The following ACOXL variants were observed in gnomAD, a reference collection of about 807,000 sequenced individuals.
ACOXL encodes acyl-coenzyme A oxidase-like protein.
A neutral mutation model predicts 71.9 loss-of-function variants in ACOXL; 70 were observed. That is an observed-to-expected ratio of 0.97 (90% CI 0.80 to 1.19). ACOXL has a LOEUF of 1.19. ACOXL is among the 50% of genes most tolerant of loss of function. The pLI, the probability that ACOXL is intolerant of heterozygous loss-of-function variation, is 0.00. For synonymous variants in ACOXL, 253 were observed against 281.6 expected (o/e 0.90, Z 1.02); for missense variants, 703 against 736.3 (o/e 0.95, Z 0.52).
At chr2:110,735,088 A>G (rs72828851) in intron 1 of ACOXL, among the ~76,000 whole-genome samples, 5,670 of 152,206 alleles carry the variant, frequency 0.037, 142 homozygotes, top group East Asian at 0.057. Context: ...GTTCTTGTTT[A>G]TTTACTTTAT....
intron 11 of ACOXL, among the ~76,000 whole-genome samples, chr2:110,917,069 C>T (rs1362034722): frequency 6.6e-6 from 1 of 152,184 alleles, no homozygotes; most frequent in Non-Finnish European, 1.5e-5. Context: ...AGGCCAGCAT[C>T]ATCCTGATAC....
chr2:111,085,983 T>C (rs2068185963), intron 16 of ACOXL, among the ~76,000 whole-genome samples: 1 of 152,176 alleles, frequency 6.6e-6, no homozygotes, highest in African/African-American at 2.4e-5. Flanking sequence ...GATAAGTTCC[T>C]GGACACACAC....
chr2:110,935,769 CAG>C (rs905810309), intron 12 of ACOXL, among the ~76,000 whole-genome samples: 22 of 151,676 alleles, frequency 1.5e-4, no homozygotes, highest in Middle Eastern at 3.4e-3. Context: ...TGGACACTAA[CAG>C]GGTGCTCTGC....
intron 17 of ACOXL, among the ~76,000 whole-genome samples, chr2:111,105,191 CTGTG>C (rs2069449660): frequency 6.6e-6 from 1 of 152,112 alleles, no homozygotes; most frequent in African/African-American, 2.4e-5. Context: ...ATCTATGCAT[CTGTG>C]TGTCTATCCC....
At chr2:110,741,909 C>T (rs936162785) in intron 1 of ACOXL, among the ~76,000 whole-genome samples, 10 of 152,166 alleles carry the variant, frequency 6.6e-5, no homozygotes, top group Non-Finnish European at 1.0e-4. Context: ...CTGCCTCCAG[C>T]GGTGAGAGAG....
At chr2:110,950,596 T>C (rs2061291265) in intron 12 of ACOXL, among the ~76,000 whole-genome samples, 1 of 152,196 alleles carries the variant, frequency 6.6e-6, no homozygotes, top group Non-Finnish European at 1.5e-5. Flanking sequence ...TTACTCTCCC[T>C]TGGGCCAGTT....
chr2:110,869,243 G>C (rs1220556616), intron 10 of ACOXL, among the ~76,000 whole-genome samples: 1 of 152,114 alleles, frequency 6.6e-6, no homozygotes, highest in African/African-American at 2.4e-5. Flanking sequence ...TGAATACTCA[G>C]CATTTCAAGT....
intron 10 of ACOXL, among the ~76,000 whole-genome samples, chr2:110,855,582 A>G (rs1048004311): frequency 9.2e-5 from 14 of 152,228 alleles, no homozygotes; most frequent in African/African-American, 2.7e-4. Context: ...ATGTACTGTG[A>G]AATGCAGTAA....
intron 11 of ACOXL, among the ~76,000 whole-genome samples, chr2:110,922,112 A>G (rs568990887): frequency 6.6e-5 from 10 of 152,296 alleles, no homozygotes; most frequent in South Asian, 2.1e-4. Flanking sequence ...TGTTTTATCA[A>G]TGACTGCAAG....
chr2:110,839,623 G>T (rs1048865622), intron 9 of ACOXL, among the ~76,000 whole-genome samples: 1 of 152,062 alleles, frequency 6.6e-6, no homozygotes, highest in African/African-American at 2.4e-5. Flanking sequence ...TGCCCTCGTT[G>T]GTCCTGTACT....
At chr2:110,754,263 G>A (rs1470131349) in intron 1 of ACOXL, among the ~76,000 whole-genome samples, 2 of 151,828 alleles carry the variant, frequency 1.3e-5, no homozygotes, top group African/African-American at 4.8e-5. Context: ...TGTAGAGAAG[G>A]GGCCTAGCTG....
At chr2:110,856,125 G>A (rs544138639) in intron 10 of ACOXL, among the ~76,000 whole-genome samples, 7 of 152,178 alleles carry the variant, frequency 4.6e-5, no homozygotes, top group African/African-American at 1.7e-4. Flanking sequence ...GCTACAGAGC[G>A]CTGATTGGTG....
chr2:110,826,146 C>T (rs1039315326), intron 9 of ACOXL, among the ~76,000 whole-genome samples: 50 of 152,182 alleles, frequency 3.3e-4, no homozygotes, highest in African/African-American at 1.1e-3. Context: ...AAATATAGCA[C>T]ATTAAAGGAA....
chr2:110,777,157 CGATG>C (rs1213853577), intron 2 of ACOXL, among the ~76,000 whole-genome samples: 2 of 151,926 alleles, frequency 1.3e-5, no homozygotes, highest in African/African-American at 4.8e-5. Flanking sequence ...AACATGTTTG[CGATG>C]TTTAGGGTCA....
At chr2:111,054,364 C>T (rs1357486667) in intron 16 of ACOXL, among the ~76,000 whole-genome samples, 1 of 152,168 alleles carries the variant, frequency 6.6e-6, no homozygotes, top group Non-Finnish European at 1.5e-5. Flanking sequence ...GCTGGTGGTG[C>T]AACAGATGAT....
chr2:110,873,941 G>T (rs542620170), intron 10 of ACOXL, among the ~76,000 whole-genome samples: 12 of 152,210 alleles, frequency 7.9e-5, no homozygotes, highest in African/African-American at 2.9e-4. Flanking sequence ...TAGCTCTGTG[G>T]TCTTGGCATC....
intron 10 of ACOXL, among the ~76,000 whole-genome samples, chr2:110,849,091 G>C (rs1166078368): frequency 2.6e-5 from 4 of 152,190 alleles, no homozygotes; most frequent in Non-Finnish European, 5.9e-5. Context: ...AAGGAACCAT[G>C]CTCCATGCTC....
intron 14 of ACOXL, among the ~76,000 whole-genome samples, chr2:110,999,507 A>G (rs1304995768): frequency 6.6e-6 from 1 of 152,142 alleles, no homozygotes; most frequent in African/African-American, 2.4e-5. Context: ...TGCCAAATAC[A>G]TTTTGTCCTC....
At chr2:110,936,215 C>T (rs927139238) in intron 12 of ACOXL, among the ~76,000 whole-genome samples, 1 of 152,126 alleles carries the variant, frequency 6.6e-6, no homozygotes, top group Non-Finnish European at 1.5e-5. Flanking sequence ...CATAAGTCTT[C>T]CCCCAACTTT....
Sources: allele counts gnomAD v4.1 joint callset (sites outside exome capture counted in the v4.1 genomes callset), GRCh38; gene constraint gnomAD v4.1.1; transcripts MANE v1.5; gene names NCBI Gene and HGNC (gene_info 2026-07-23, HGNC 2026-07-21).